ATXN2: variants seen among roughly 807,000 people sequenced by gnomAD.
ATXN2 encodes ataxin 2.
Under a neutral mutation model 138.6 loss-of-function variants are expected in ATXN2, and 37 were observed. The ratio of observed to expected loss-of-function variants is 0.27; its 90% CI spans 0.21 to 0.35. The LOEUF is 0.35. Among genes scored for constraint, ATXN2 ranks in the 10% least tolerant of loss-of-function variants. The pLI is 1.00. For synonymous variants in ATXN2, 549 were observed against 543.7 expected, an observed-to-expected ratio of 1.01 and a Z score of -0.13; for missense variants, 1,216 against 1,480.3, an observed-to-expected ratio of 0.82 and a Z score of 2.93.
chr12:111,596,247 A>C (rs968034384), intron 1 of ATXN2, among the ~76,000 whole-genome samples: 10 of 130,712 alleles, frequency 7.7e-5, no homozygotes, highest in African/African-American at 1.9e-4. Context: ...CACACACACA[A>C]AATTAGATTA....
intron 1 of ATXN2, among the ~76,000 whole-genome samples, chr12:111,571,906 G>T (rs1466977364): frequency 1.3e-5 from 2 of 151,394 alleles, no homozygotes; most frequent in African/African-American, 4.9e-5. Flanking sequence ...CAGTTACTCG[G>T]GAAGCTGAGA....
At chr12:111,533,750 C>T (rs1406779977) in intron 5 of ATXN2, among the ~76,000 whole-genome samples, 2 of 152,186 alleles carry the variant, frequency 1.3e-5, no homozygotes, top group African/African-American at 2.4e-5. Context: ...TGGTCTTGAA[C>T]TCCTGACCTC....
intron 1 of ATXN2, among the ~76,000 whole-genome samples, chr12:111,593,807 T>C (rs1011105100): frequency 5.3e-5 from 8 of 152,234 alleles, no homozygotes; most frequent in Admixed American, 4.6e-4. Context: ...TCAATGTCAA[T>C]TAACTTTTTT....
intron 1 of ATXN2, among the ~76,000 whole-genome samples, chr12:111,574,114 T>C (rs1357037263): frequency 2.0e-5 from 3 of 151,608 alleles, no homozygotes; most frequent in Non-Finnish European, 2.9e-5. Context: ...TCGGGATCTG[T>C]GGCTAACACA....
chr12:111,479,817 T>C (rs541592935), intron 18 of ATXN2, among the ~76,000 whole-genome samples: 15 of 150,758 alleles, frequency 9.9e-5, no homozygotes, highest in African/African-American at 3.7e-4. Flanking sequence ...AGCCAAAAGA[T>C]TGAACACCTC....
At chr12:111,587,193 G>A (rs1449469260) in intron 1 of ATXN2, among the ~76,000 whole-genome samples, 1 of 151,570 alleles carries the variant, frequency 6.6e-6, no homozygotes, top group Non-Finnish European at 1.5e-5. Flanking sequence ...ATAGTTAACT[G>A]CACAAAGTCC....
chr12:111,577,921 T>C (rs1236034619), intron 1 of ATXN2, among the ~76,000 whole-genome samples: 7 of 151,404 alleles, frequency 4.6e-5, no homozygotes. Flanking sequence ...TCTGGCCAGG[T>C]GCGGTGGCTC....
chr12:111,494,799 C>T (rs961984434), intron 14 of ATXN2, among the ~76,000 whole-genome samples: 4 of 151,506 alleles, frequency 2.6e-5, no homozygotes, highest in Non-Finnish European at 5.9e-5. Flanking sequence ...AAACATACCA[C>T]CAGAGAAAAT....
At chr12:111,504,850 C>T (rs1879004240) in intron 14 of ATXN2, among the ~76,000 whole-genome samples, 1 of 152,022 alleles carries the variant, frequency 6.6e-6, no homozygotes, top group Non-Finnish European at 1.5e-5. Context: ...TAAAAAAAAT[C>T]AAATGTTATT....
In ATXN2 at chr12:111,594,801, T is replaced by C. The variant is rs180725555; in HGVS notation, c.251+3983A>G. Among the ~76,000 whole-genome samples, 8 of 152,116 alleles carry C rather than the reference T, an allele frequency of 5.3e-5. No individual in the cohort carries two copies. The East Asian group carries it at 1.4e-3, about 26-fold the overall frequency. ...GCAGCTAATAAAAAACACTTTCAGA[T>C]GAAAAAGAAAGGTTAACAACAACAA... On this transcript the variant is annotated intron_variant, in intron 1 of 24. Coordinates refer to ENST00000673436, the MANE Select transcript of ATXN2 (RefSeq NM_001372574.1).
chr12:111,491,828 G>T (rs1457709955), intron 14 of ATXN2, among the ~76,000 whole-genome samples: 1 of 152,186 alleles, frequency 6.6e-6, no homozygotes, highest in Non-Finnish European at 1.5e-5. Context: ...CCTGCTTGAG[G>T]TGAGAGAAGA....
At chr12:111,510,267 T>C in intron 12 of ATXN2, 118 bp downstream of exon 12, 1 of 1,121,876 alleles carries the variant, frequency 8.9e-7, no homozygotes, top group East Asian at 2.4e-5. Context: ...CTTTTAAATG[T>C]GCACTAAAAA....
At chr12:111,582,404 C>T (rs1202026017) in intron 1 of ATXN2, among the ~76,000 whole-genome samples, 2 of 151,062 alleles carry the variant, frequency 1.3e-5, no homozygotes, top group Admixed American at 6.6e-5. Context: ...AATTGCACCA[C>T]GCACTGCAGC....
At chr12:111,459,381 T>A (rs368123532) in intron 21 of ATXN2, among the ~76,000 whole-genome samples, 1 of 152,346 alleles carries the variant, frequency 6.6e-6, no homozygotes, top group South Asian at 2.1e-4. Flanking sequence ...AAAGATTTGA[T>A]GTAAATTTCG....
intron 1 of ATXN2, among the ~76,000 whole-genome samples, chr12:111,574,452 G>A (rs1001495944): frequency 6.6e-6 from 1 of 151,526 alleles, no homozygotes; most frequent in Non-Finnish European, 1.5e-5. Flanking sequence ...TGGGGGGATA[G>A]GGTCTCACTC....
chr12:111,567,840 T>C (rs1883099609), intron 1 of ATXN2, among the ~76,000 whole-genome samples: 1 of 152,136 alleles, frequency 6.6e-6, no homozygotes, highest in Admixed American at 6.6e-5. Context: ...TTCGTATGTT[T>C]GTCTGTCTTA....
intron 1 of ATXN2, among the ~76,000 whole-genome samples, chr12:111,588,493 G>C (rs567035382): frequency 6.6e-6 from 1 of 151,782 alleles, no homozygotes; most frequent in Non-Finnish European, 1.5e-5. Flanking sequence ...GAGATGGTGC[G>C]TGCCTGCAGT....
chr12:111,570,621 C>T (rs1188233711), intron 1 of ATXN2, among the ~76,000 whole-genome samples: 2 of 151,998 alleles, frequency 1.3e-5, no homozygotes, highest in Non-Finnish European at 2.9e-5. Flanking sequence ...GAACTTCCTC[C>T]TCTCTTCATG....
chr12:111,577,310 G>C (rs1223405415), intron 1 of ATXN2, among the ~76,000 whole-genome samples: 1 of 152,118 alleles, frequency 6.6e-6, no homozygotes, highest in East Asian at 2.0e-4. Context: ...CTGTTGCCCA[G>C]GCTGGAGTGC....
Sources: gnomAD v4.1 joint callset for allele counts (sites outside exome capture counted in the v4.1 genomes callset) on GRCh38, gnomAD v4.1.1 for gene constraint, MANE v1.5 for transcripts, NCBI Gene and HGNC (gene_info 2026-07-23, HGNC 2026-07-21) for gene names.